The following RNF220 variants were observed in gnomAD, a reference collection of about 807,000 sequenced individuals.
The protein encoded by RNF220 is E3 ubiquitin-protein ligase RNF220.
RNF220 carries 7 observed loss-of-function variants against 67.1 expected under a neutral mutation model. The observed-to-expected ratio is 0.10, with a 90% CI of 0.06 to 0.20. The LOEUF (loss-of-function observed/expected upper bound fraction) is 0.20, where lower values mean the gene tolerates loss of function less well. Among genes scored for constraint, RNF220 ranks in the 10% least tolerant of loss-of-function variants. The probability of loss-of-function intolerance (pLI) is 1.00; values close to 1 mark genes in which losing one functional copy is unlikely to be tolerated. For synonymous variants in RNF220, 270 were observed against 283.2 expected (o/e 0.95, Z 0.47); for missense variants, 565 against 740.3 (o/e 0.76, Z 2.75).
At chr1:44,416,599 C>T (rs543443964) in intron 2 of RNF220, among the ~76,000 whole-genome samples, 41 of 152,200 alleles carry the variant, frequency 2.7e-4, no homozygotes, top group Non-Finnish European at 3.1e-4. Flanking sequence ...TTGGAGTTGG[C>T]GAAGTATACA....
chr1:44,631,878 C>T, intron 5 of RNF220: 1 of 984,616 alleles, frequency 1.0e-6, no homozygotes, highest in Non-Finnish European at 1.2e-6. Flanking sequence ...TACCCGAGTA[C>T]AAACGGCAGC....
chr1:44,604,135 T>C (rs2148405309), intron 2 of RNF220, among the ~76,000 whole-genome samples: 1 of 152,302 alleles, frequency 6.6e-6, no homozygotes, highest in East Asian at 1.9e-4. Flanking sequence ...GCAGGTATAG[T>C]GATAGGTGCT....
At chr1:44,520,802 G>A (rs952396664) in intron 2 of RNF220, among the ~76,000 whole-genome samples, 12 of 152,160 alleles carry the variant, frequency 7.9e-5, no homozygotes, top group African/African-American at 1.4e-4. Context: ...TTGTATCCCC[G>A]ACATCAGGTA....
intron 2 of RNF220, among the ~76,000 whole-genome samples, chr1:44,607,509 C>T (rs1267199792): frequency 2.9e-5 from 4 of 135,602 alleles, no homozygotes; most frequent in Non-Finnish European, 3.1e-5. Context: ...TTTTTTGAGA[C>T]GGAGTCTCGC....
chr1:44,464,814 C>T (rs1016532190), intron 2 of RNF220, among the ~76,000 whole-genome samples: 14 of 152,164 alleles, frequency 9.2e-5, no homozygotes, highest in Admixed American at 2.0e-4. Context: ...TAGATTGCCG[C>T]TATAGCCTAC....
intron 2 of RNF220, among the ~76,000 whole-genome samples, chr1:44,503,498 T>C (rs1658127535): frequency 6.6e-6 from 1 of 152,180 alleles, no homozygotes. Context: ...AAGACCTCCA[T>C]GCCCACACTG....
At chr1:44,453,733 GTCT>G (rs1652906552) in intron 2 of RNF220, among the ~76,000 whole-genome samples, 1 of 151,930 alleles carries the variant, frequency 6.6e-6, no homozygotes, top group African/African-American at 2.4e-5. Flanking sequence ...TAAGCTAGTA[GTCT>G]TCTTTATTTA....
chr1:44,568,077 T>C (rs1217713547), intron 2 of RNF220, among the ~76,000 whole-genome samples: 1 of 152,178 alleles, frequency 6.6e-6, no homozygotes, highest in Non-Finnish European at 1.5e-5. Context: ...GGAATTCTGG[T>C]TCCTCCTAGA....
intron 2 of RNF220, among the ~76,000 whole-genome samples, chr1:44,443,515 A>C (rs1651771880): frequency 6.6e-6 from 1 of 152,144 alleles, no homozygotes; most frequent in South Asian, 2.1e-4. Flanking sequence ...AGACTTGTTC[A>C]TGTCACCTGC....
intron 2 of RNF220, among the ~76,000 whole-genome samples, chr1:44,490,194 G>T: frequency 6.6e-6 from 1 of 152,262 alleles, no homozygotes; most frequent in South Asian, 2.1e-4. Context: ...TCAGCCGGGC[G>T]TGGTGGCTCA....
At chr1:44,454,579 T>G (rs1189548432) in intron 2 of RNF220, among the ~76,000 whole-genome samples, 1 of 152,182 alleles carries the variant, frequency 6.6e-6, no homozygotes, top group Non-Finnish European at 1.5e-5. Context: ...AAGAACATTT[T>G]TTGGTATGAT....
intron 2 of RNF220, among the ~76,000 whole-genome samples, chr1:44,479,763 A>G (rs1019602479): frequency 2.6e-5 from 4 of 152,136 alleles, no homozygotes; most frequent in African/African-American, 4.8e-5. Context: ...CAACCCCACA[A>G]ATTCTGGGTT....
chr1:44,450,015 C>A (rs1040617713), intron 2 of RNF220, among the ~76,000 whole-genome samples: 3 of 152,108 alleles, frequency 2.0e-5, no homozygotes, highest in Admixed American at 6.5e-5. Context: ...AGTTCGAGAC[C>A]AGCCTGACCA....
At chr1:44,405,994 G>A (rs1461360319) in intron 1 of RNF220, among the ~76,000 whole-genome samples, 2 of 152,166 alleles carry the variant, frequency 1.3e-5, no homozygotes, top group Admixed American at 1.3e-4. Context: ...GGTGATTTCC[G>A]GGCTCCCCTA....
At chr1:44,578,453 A>C (rs1166300583) in intron 2 of RNF220, among the ~76,000 whole-genome samples, 1 of 152,238 alleles carries the variant, frequency 6.6e-6, no homozygotes, top group Non-Finnish European at 1.5e-5. Context: ...TAAGTATTTC[A>C]ATTTGAGTCC....
At chr1:44,436,902 C>A (rs1651030584) in intron 2 of RNF220, among the ~76,000 whole-genome samples, 1 of 152,228 alleles carries the variant, frequency 6.6e-6, no homozygotes, top group Admixed American at 6.5e-5. Flanking sequence ...TTATGAAGTT[C>A]ACACAGAAGT....
intron 2 of RNF220, among the ~76,000 whole-genome samples, chr1:44,531,369 C>T (rs1660816785): frequency 6.6e-6 from 1 of 152,152 alleles, no homozygotes; most frequent in Non-Finnish European, 1.5e-5. Context: ...CTGTTATTTC[C>T]CTTTTCCATC....
intron 2 of RNF220, among the ~76,000 whole-genome samples, chr1:44,537,041 G>A (rs985124028): frequency 4.7e-5 from 6 of 126,726 alleles, no homozygotes; most frequent in Admixed American, 2.0e-4. Flanking sequence ...GACCACACAA[G>A]TTCTAGTATA....
chr1:44,588,400 T>C (rs533520968), intron 2 of RNF220, among the ~76,000 whole-genome samples: 32 of 152,288 alleles, frequency 2.1e-4, no homozygotes, highest in African/African-American at 6.3e-4. Flanking sequence ...GCCTTTCCCT[T>C]GGAGGCTTCA....
Sources: allele counts gnomAD v4.1 joint callset (sites outside exome capture counted in the v4.1 genomes callset), GRCh38; gene constraint gnomAD v4.1.1; transcripts MANE v1.5; gene names NCBI Gene and HGNC (gene_info 2026-07-23, HGNC 2026-07-21).